Variants in FANCB observed in about 807,000 individuals in gnomAD.
FANCB encodes FA complementation group B.
In FANCB, 5 loss-of-function variants were observed where a neutral mutation model predicts 38.9. That is an observed-to-expected ratio of 0.13 (90% CI 0.07 to 0.27). FANCB has a LOEUF of 0.27. Ranked by LOEUF, FANCB falls within the 10% of genes least tolerant of loss-of-function variation. The pLI is 1.00. For synonymous variants in FANCB, 236 were observed against 215.4 expected (o/e 1.10, Z -0.84); for missense variants, 573 against 602.7 (o/e 0.95, Z 0.52).
At chrX:14,820,874 T>C in the FANCB span, among the ~76,000 whole-genome samples, 11 of 111,696 alleles carry the variant, frequency 9.8e-5, no homozygotes, top group African/African-American at 3.2e-4. Context: ...TTGCAACTCA[T>C]TGAAAGCAAA....
chrX:14,795,831 A>G, the FANCB span, among the ~76,000 whole-genome samples: 2 of 112,044 alleles, frequency 1.8e-5, no homozygotes, highest in Non-Finnish European at 3.8e-5. Flanking sequence ...AGAGACATCA[A>G]TGCAATATGA....
At chrX:14,812,131 A>G in the FANCB span, among the ~76,000 whole-genome samples, 3 of 110,124 alleles carry the variant, frequency 2.7e-5, no homozygotes, top group African/African-American at 9.9e-5. Flanking sequence ...ACAAAGACAC[A>G]ACATACCAGA....
At chrX:14,707,458 G>A in the FANCB span, among the ~76,000 whole-genome samples, 1 of 110,726 alleles carries the variant, frequency 9.0e-6, no homozygotes, top group Non-Finnish European at 1.9e-5. Flanking sequence ...TCTTCCTTTC[G>A]CCTGCTTTTT....
the FANCB span, among the ~76,000 whole-genome samples, chrX:14,753,830 G>T: frequency 8.9e-6 from 1 of 112,206 alleles, no homozygotes; most frequent in African/African-American, 3.2e-5. Context: ...CTAGACCATA[G>T]ATAGAAGTAG....
In FANCB at chrX:14,864,179, T is replaced by C. The variant is rs192083906; in HGVS notation, c.951+381A>G. ...AAAAATAAAAAGATGAAAAACTGAT[T>C]TGAATTTTCCAGGAAGGCTTATCTA... On this transcript the variant is annotated intron_variant, in intron 3 of 9. Coordinates refer to ENST00000650831, the MANE Select transcript of FANCB (RefSeq NM_001018113.3). Among the ~76,000 whole-genome samples, 350 of 111,616 alleles carry C rather than the reference T, an allele frequency of 3.1e-3. 1 individual carries two copies. The highest frequency in any genetic ancestry group is 0.01 in the African/African-American group (317 of 30,803).
chrX:14,804,248 T>G, the FANCB span, among the ~76,000 whole-genome samples: 5 of 111,853 alleles, frequency 4.5e-5, no homozygotes, highest in South Asian at 7.4e-4. Context: ...TGTCCAACAA[T>G]GATAGACTGG....
the FANCB span, among the ~76,000 whole-genome samples, chrX:14,743,852 T>A: frequency 9.0e-6 from 1 of 111,642 alleles, no homozygotes; most frequent in Admixed American, 9.6e-5. Flanking sequence ...TGCAGTTGCA[T>A]CACTCCAACT....
chrX:14,775,026 G>T, the FANCB span, among the ~76,000 whole-genome samples: 2 of 109,823 alleles, frequency 1.8e-5, no homozygotes, highest in East Asian at 2.9e-4. Context: ...TAGAGACGGG[G>T]TTTCACTGTG....
the FANCB span, among the ~76,000 whole-genome samples, chrX:14,809,352 G>A: frequency 8.9e-6 from 1 of 112,430 alleles, no homozygotes; most frequent in East Asian, 2.8e-4. Flanking sequence ...GCAGCGCACT[G>A]TGTGCGAGCT....
At chrX:14,802,518 A>T in the FANCB span, among the ~76,000 whole-genome samples, 1 of 111,669 alleles carries the variant, frequency 9.0e-6, no homozygotes, top group Non-Finnish European at 1.9e-5. Flanking sequence ...TAGAAAGATC[A>T]TTTTCTAAGG....
In FANCB at chrX:14,847,833, ACT is replaced by A. The variant is rs2092383438; in HGVS notation, c.1497-2549_1497-2548del. On this transcript the variant is annotated intron_variant, in intron 7 of 9. Transcript: ENST00000650831. ...GAAAAGATCTAATAAAATGGATGAAACTCTGGCAAGATCAAGGAAAAAGAAGA... is the reference window on the plus strand; with the variant it reads ...GAAAAGATCTAATAAAATGGATGAAACTGGCAAGATCAAGGAAAAAGAAGA... Among the ~76,000 whole-genome samples, 4 of 111,675 alleles carry A rather than the reference ACT, an allele frequency of 3.6e-5. No homozygotes were observed. In the South Asian group the frequency reaches 1.1e-3, roughly 31 times the overall value.
At chrX:14,696,248 T>G in the FANCB span, among the ~76,000 whole-genome samples, 2 of 103,979 alleles carry the variant, frequency 1.9e-5, no homozygotes, top group Middle Eastern at 4.8e-3. Context: ...GGGACGGAAG[T>G]GAAGTTAAGG....
At chrX:14,745,982 G>A in the FANCB span, among the ~76,000 whole-genome samples, 15 of 110,665 alleles carry the variant, frequency 1.4e-4, no homozygotes, top group African/African-American at 3.6e-4. Context: ...TTACAGGCGT[G>A]AGCCACCGCA....
intron 2 of FANCB, among the ~76,000 whole-genome samples, chrX:14,867,222 G>GA (rs1323912983): frequency 9.0e-6 from 1 of 111,271 alleles, no homozygotes; most frequent in African/African-American, 3.3e-5. Flanking sequence ...CACAGAAATA[G>GA]AAAAAACAAT....
downstream of FANCB, among the ~76,000 whole-genome samples, chrX:14,834,155 T>C (rs2092334901): frequency 8.9e-6 from 1 of 112,127 alleles, no homozygotes; most frequent in African/African-American, 3.2e-5. Context: ...GGTGATTTTT[T>C]TTTTAATTAA....
the FANCB span, among the ~76,000 whole-genome samples, chrX:14,789,940 G>A: frequency 8.9e-6 from 1 of 112,201 alleles, no homozygotes; most frequent in Middle Eastern, 4.6e-3. Flanking sequence ...AACATTCTTT[G>A]ACAGGTAGAA....
chrX:14,815,411 G>T, the FANCB span, among the ~76,000 whole-genome samples: 1 of 110,796 alleles, frequency 9.0e-6, no homozygotes, highest in East Asian at 2.8e-4. Flanking sequence ...CTTCTACACA[G>T]CAAAATAACT....
chrX:14,780,835 A>G, the FANCB span, among the ~76,000 whole-genome samples: 1 of 109,499 alleles, frequency 9.1e-6, no homozygotes, highest in South Asian at 3.8e-4. Context: ...CAACCATTAA[A>G]AAAATGTAAA....
At chrX:14,867,762 CAAAA>C (rs55818806) in intron 2 of FANCB, among the ~76,000 whole-genome samples, 1 of 40,507 alleles carries the variant, frequency 2.5e-5, no homozygotes, top group Admixed American at 2.8e-4. Flanking sequence ...TTTGCCCAGC[CAAAA>C]AAAAAAAAAA....
Sources: allele counts gnomAD v4.1 joint callset (sites outside exome capture counted in the v4.1 genomes callset), GRCh38; gene constraint gnomAD v4.1.1; transcripts MANE v1.5; gene names NCBI Gene and HGNC (gene_info 2026-07-23, HGNC 2026-07-21).